The following BTG4 variants were observed in gnomAD, a reference collection of about 807,000 sequenced individuals.
BTG4 encodes protein BTG4.
In BTG4, 10 loss-of-function variants were observed where a neutral mutation model predicts 19.3. That is an observed-to-expected ratio of 0.52 (90% confidence interval 0.32 to 0.88). The LOEUF (loss-of-function observed/expected upper bound fraction) is 0.88, where lower values mean the gene tolerates loss of function less well. Ranked by LOEUF, BTG4 falls within the 40% of genes least tolerant of loss-of-function variation. BTG4 has a pLI of 0.04. For synonymous variants in BTG4, 91 were observed against 95.7 expected (o/e 0.95, Z 0.29); for missense variants, 238 against 281.9 (o/e 0.84, Z 1.11).
At chr11:111,498,516 G>T in intron 2 of BTG4, 88 bp downstream of exon 2, 1 of 1,204,996 alleles carries the variant, frequency 8.3e-7, no homozygotes. Context: ...TTACTTATAT[G>T]CAGAAAACAA....
intron 1 of BTG4, among the ~76,000 whole-genome samples, chr11:111,506,679 C>CTATACTAATATACTAT (rs1866475036): frequency 1.3e-5 from 2 of 152,120 alleles, no homozygotes; most frequent in South Asian, 4.1e-4. Flanking sequence ...CTATGTGCAA[C>CTATACTAATATACTAT]ACTCTATACT....
chr11:111,437,492 A>G, the BTG4 span, among the ~76,000 whole-genome samples: 3 of 152,118 alleles, frequency 2.0e-5, no homozygotes, highest in Non-Finnish European at 4.4e-5. Context: ...CCAAATCACC[A>G]TGCTCCAATC....
chr11:111,414,380 A>G, the BTG4 span: 4,489 of 152,224 alleles, frequency 0.029, 101 homozygotes, highest in Middle Eastern at 0.14. Context: ...GTCCACCTAC[A>G]TGGGTTGGCC....
At chr11:111,476,033 G>A (rs2135551357) in intron 5 of BTG4, among the ~76,000 whole-genome samples, 1 of 151,906 alleles carries the variant, frequency 6.6e-6, no homozygotes, top group Admixed American at 6.6e-5. Flanking sequence ...TCGACCCCAA[G>A]GAAGGATCTC....
At chr11:111,461,370 G>C in the BTG4 span, among the ~76,000 whole-genome samples, 1 of 152,180 alleles carries the variant, frequency 6.6e-6, no homozygotes, top group Non-Finnish European at 1.5e-5. Flanking sequence ...GAGAGGAGTG[G>C]GGGCAGGAGG....
chr11:111,451,616 T>C, the BTG4 span, among the ~76,000 whole-genome samples: 1 of 151,926 alleles, frequency 6.6e-6, no homozygotes, highest in African/African-American at 2.4e-5. Context: ...AATACAAAAT[T>C]AGCTGGGCAT....
the BTG4 span, among the ~76,000 whole-genome samples, chr11:111,446,327 A>G: frequency 3.3e-5 from 5 of 152,154 alleles, no homozygotes; most frequent in African/African-American, 1.2e-4. Context: ...GTTCATTACA[A>G]TGTCAATCTC....
intron 5 of BTG4, among the ~76,000 whole-genome samples, chr11:111,472,782 T>C (rs185011303): frequency 1.3e-5 from 2 of 152,358 alleles, no homozygotes; most frequent in African/African-American, 4.8e-5. Flanking sequence ...GGCAGAGAGA[T>C]TTGTTTCATT....
intron 1 of BTG4, among the ~76,000 whole-genome samples, chr11:111,511,340 T>A (rs1866894085): frequency 6.6e-6 from 1 of 152,250 alleles, no homozygotes; most frequent in Non-Finnish European, 1.5e-5. Flanking sequence ...TATTCAAACA[T>A]CCTTGGGCAG....
the BTG4 span, chr11:111,417,193 C>A: frequency 1.3e-5 from 2 of 152,232 alleles, no homozygotes; most frequent in Non-Finnish European, 2.9e-5. Flanking sequence ...TACAAGGACT[C>A]TCCTTTGTCA....
At chr11:111,471,399 T>G (rs1474120852) in intron 5 of BTG4, among the ~76,000 whole-genome samples, 2 of 152,148 alleles carry the variant, frequency 1.3e-5, no homozygotes, top group Admixed American at 1.3e-4. Context: ...GGACCCCAAT[T>G]CCCACAAATC....
intron 4 of BTG4, 83 bp from the exon 5 acceptor site, chr11:111,495,397 CA>C: frequency 8.2e-7 from 1 of 1,225,296 alleles, no homozygotes. Flanking sequence ...TCAGGCACTT[CA>C]AAAGCATAGG....
the BTG4 span, among the ~76,000 whole-genome samples, chr11:111,402,112 C>G: frequency 6.6e-6 from 1 of 152,164 alleles, no homozygotes; most frequent in African/African-American, 2.4e-5. Flanking sequence ...AGGTTTTTCC[C>G]ATGCTGTCCT....
chr11:111,394,073 C>G, the BTG4 span, among the ~76,000 whole-genome samples: 1 of 152,216 alleles, frequency 6.6e-6, no homozygotes, highest in Non-Finnish European at 1.5e-5. Flanking sequence ...AAAGGCACAT[C>G]ATGAAGCCTC....
intron 5 of BTG4, among the ~76,000 whole-genome samples, chr11:111,477,489 A>G (rs1591465441): frequency 6.6e-6 from 1 of 152,154 alleles, no homozygotes; most frequent in Non-Finnish European, 1.5e-5. Context: ...AAAGTGATAC[A>G]TAGAATTCTA....
chr11:111,396,807 A>C, the BTG4 span: 1 of 152,370 alleles, frequency 6.6e-6, no homozygotes, highest in East Asian at 1.9e-4. Context: ...GTTAAGAGTT[A>C]AGAGTTTCTG....
downstream of BTG4, among the ~76,000 whole-genome samples, chr11:111,465,651 C>T (rs551168270): frequency 1.2e-4 from 18 of 152,260 alleles, no homozygotes; most frequent in East Asian, 1.4e-3. Flanking sequence ...GTGCTCCTCA[C>T]GTGCTTCCTC....
chr11:111,497,708 A>T (rs1275964115), intron 3 of BTG4, among the ~76,000 whole-genome samples: 1 of 152,226 alleles, frequency 6.6e-6, no homozygotes, highest in East Asian at 1.9e-4. Context: ...CTTATCTGTT[A>T]TCAACCTACA....
chr11:111,445,406 G>A, the BTG4 span, among the ~76,000 whole-genome samples: 1 of 152,118 alleles, frequency 6.6e-6, no homozygotes, highest in South Asian at 2.1e-4. Context: ...CAGGGTCCGG[G>A]GATCCTCTGA....
Sources: gnomAD v4.1 joint callset for allele counts (sites outside exome capture counted in the v4.1 genomes callset) on GRCh38, gnomAD v4.1.1 for gene constraint, MANE v1.5 for transcripts, NCBI Gene and HGNC (gene_info 2026-07-23, HGNC 2026-07-21) for gene names.